Variants in BCL2L14 observed in about 807,000 individuals in gnomAD.
The protein encoded by BCL2L14 is BCL2 like 14, also known as apoptosis facilitator Bcl-2-like protein 14.
BCL2L14 carries 27 observed loss-of-function variants against 35.3 expected under a neutral mutation model. The observed-to-expected ratio is 0.76, with a 90% CI of 0.56 to 1.05. The LOEUF (loss-of-function observed/expected upper bound fraction) is 1.05, where lower values mean the gene tolerates loss of function less well. BCL2L14 is among the 50% of genes least tolerant of loss of function. The pLI, the probability that BCL2L14 is intolerant of heterozygous loss-of-function variation, is 0.00. For missense variants in BCL2L14, 377 were observed against 382.6 expected (o/e 0.99, Z 0.12); for synonymous variants, 139 against 145.9 (o/e 0.95, Z 0.34).
At position 12,099,132 on chromosome 12, in the gene BCL2L14, C is replaced by T; in HGVS notation, c.*144C>T. The T allele has an allele frequency of 1.5e-6, 1 of 646,720 alleles. No homozygotes were observed. The highest frequency in any genetic ancestry group is 2.8e-6 in the Non-Finnish European group (1 of 360,208). 40.1% of individuals were successfully genotyped at this position (646,720 alleles called of 1,614,324 possible). On this transcript the variant is annotated 3_prime_UTR_variant, in exon 6 of 6. Coordinates refer to ENST00000308721, the MANE Select transcript of BCL2L14 (RefSeq NM_138723.2). ...ACCATTATTCCTGTGACTGGAGAGG[C>T]ATCAGGAGAGGTCTCGTTCGTCTCC...
chr12:12,079,686 C>A lies in BCL2L14; in HGVS notation c.381C>A (p.Ser127Arg). Residue 127 changes from serine to arginine, a missense_variant, in exon 2 of 6, where the codon AGC becomes AGA. Physicochemically the swap from Ser to Arg is moderately radical, Grantham distance 110. Coordinates refer to ENST00000308721, the MANE Select transcript of BCL2L14 (RefSeq NM_138723.2). ...QRTLEYQDSH[S>R]QQWSRCLSNV... ...CGTTGGAATACCAAGATTCGCACAG[C>A]CAGCAGTGGTCCAGGTGTCTTTCTA... The A allele has an allele frequency of 6.2e-7, 1 of 1,614,222 alleles. No homozygotes were observed. The highest frequency in any genetic ancestry group is 8.5e-7 in the Non-Finnish European group (1 of 1,180,046).
At chr12:12,094,965 G>T (rs763881197) in intron 5 of BCL2L14, 35 bp downstream of exon 5, 3 of 1,586,728 alleles carry the variant, frequency 1.9e-6, no homozygotes, top group Non-Finnish European at 2.6e-6. Flanking sequence ...AATTTTCTCA[G>T]AACTCAGAAG....
At chr12:12,050,793 T>TAAAAAAAAAAAAAAAAA (rs3052084) in intron 1 of BCL2L14, among the ~76,000 whole-genome samples, 32 of 88,242 alleles carry the variant, frequency 3.6e-4, no homozygotes, top group East Asian at 1.1e-3. Context: ...GCTGATGAGC[T>TAAAAAAAAAAAAAAAAA]AAAAAAAAAA....
intron 5 of BCL2L14, among the ~76,000 whole-genome samples, chr12:12,097,882 C>G (rs571281851): frequency 1.6e-4 from 24 of 151,764 alleles, no homozygotes; most frequent in Non-Finnish European, 3.2e-4. Flanking sequence ...ATTGATGGCA[C>G]TAGTTCTTTA....
At chr12:12,051,509 T>C (rs1240389265) in intron 1 of BCL2L14, among the ~76,000 whole-genome samples, 1 of 152,042 alleles carries the variant, frequency 6.6e-6, no homozygotes, top group Non-Finnish European at 1.5e-5. Flanking sequence ...CATTAAATGA[T>C]TGTCACTGGG....
intron 2 of BCL2L14, among the ~76,000 whole-genome samples, chr12:12,081,891 G>A (rs1293075975): frequency 1.3e-5 from 2 of 152,124 alleles, no homozygotes; most frequent in Non-Finnish European, 2.9e-5. Flanking sequence ...GCCCCCTCCT[G>A]CTGAGTTTCA....
intron 3 of BCL2L14, among the ~76,000 whole-genome samples, chr12:12,089,996 A>T (rs1949144037): frequency 6.6e-6 from 1 of 152,216 alleles, no homozygotes; most frequent in South Asian, 2.1e-4. Flanking sequence ...TGGGCCACAA[A>T]TTTGGCTCTA....
intron 2 of BCL2L14, chr12:12,055,169 C>T (rs1223167278): frequency 6.6e-6 from 1 of 152,128 alleles, no homozygotes; most frequent in Admixed American, 6.5e-5. Context: ...GTAAACAATC[C>T]AGAAAGGTCA....
intron 1 of BCL2L14, among the ~76,000 whole-genome samples, chr12:12,050,689 C>G (rs527729354): frequency 2.0e-5 from 3 of 150,616 alleles, no homozygotes; most frequent in Admixed American, 6.6e-5. Context: ...AGTCTAAGAG[C>G]CTATTTACAG....
At chr12:12,051,244 G>A (rs1948354125) in intron 1 of BCL2L14, among the ~76,000 whole-genome samples, 2 of 152,310 alleles carry the variant, frequency 1.3e-5, no homozygotes, top group Admixed American at 1.3e-4. Flanking sequence ...AGTCAAGAAT[G>A]AACCTAAGCC....
intron 2 of BCL2L14, among the ~76,000 whole-genome samples, chr12:12,080,081 T>G (rs1295201916): frequency 6.6e-6 from 1 of 151,946 alleles, no homozygotes; most frequent in African/African-American, 2.4e-5. Context: ...GGCGGGTGCC[T>G]GTAGTCCCAG....
intron 3 of BCL2L14, among the ~76,000 whole-genome samples, chr12:12,088,611 TG>T (rs1380511406): frequency 6.6e-6 from 1 of 152,234 alleles, no homozygotes; most frequent in African/African-American, 2.4e-5. Flanking sequence ...GATTTGGGGC[TG>T]CTTTTCATTA....
At chr12:12,087,761 TTTATA>T (rs1477237323) in intron 3 of BCL2L14, among the ~76,000 whole-genome samples, 3 of 152,194 alleles carry the variant, frequency 2.0e-5, no homozygotes, top group Admixed American at 6.5e-5. Context: ...AAGCCAGGGA[TTTATA>T]TTATAACATT....
rs1350799831 is a variant in BCL2L14 at position 12,099,096 on chromosome 12, AC to A, written c.*109del. The A allele has an allele frequency of 1.2e-6, 1 of 804,160 alleles. No homozygotes were observed. The highest frequency in any genetic ancestry group is 2.1e-6 in the Non-Finnish European group (1 of 471,580). 49.8% of individuals were successfully genotyped at this position (804,160 alleles called of 1,614,324 possible). Reference sequence around the variant, plus strand: ...AACGTACAAGGCAGATGGAGCATTGACGTTTTCAAAACCATTATTCCTGTGA... The same window carrying A: ...AACGTACAAGGCAGATGGAGCATTGAGTTTTCAAAACCATTATTCCTGTGA... On this transcript the variant is annotated 3_prime_UTR_variant, in exon 6 of 6. Transcript: ENST00000308721.
At chr12:12,094,966 A>G (rs1463980330) in intron 5 of BCL2L14, 36 bp downstream of exon 5, 1 of 1,588,264 alleles carries the variant, frequency 6.3e-7, no homozygotes, top group Non-Finnish European at 8.5e-7. Flanking sequence ...ATTTTCTCAG[A>G]ACTCAGAAGA....
intron 1 of BCL2L14, among the ~76,000 whole-genome samples, chr12:12,050,809 A>AAG (rs1555084765): frequency 8.9e-5 from 12 of 134,668 alleles, no homozygotes; most frequent in East Asian, 4.5e-4. Context: ...AAAAAAAAAA[A>AAG]AAAAGAAAAG....
At chr12:12,091,875 A>T (rs1292874682) in intron 4 of BCL2L14, among the ~76,000 whole-genome samples, 1 of 152,184 alleles carries the variant, frequency 6.6e-6, no homozygotes, top group Non-Finnish European at 1.5e-5. Flanking sequence ...AGTGTCATGG[A>T]TACACAAATT....
Position 12,072,693 on chromosome 12 carries a change from C to T in BCL2L14, c.-8+1556C>T, listed in dbSNP as rs555055344. 1.2e-4 allele frequency among the ~76,000 whole-genome samples: 19 copies of T among 152,224 alleles called. No homozygotes were observed. The South Asian group carries it at 3.3e-3, about 27-fold the overall frequency. ...ACTTATGGTTTACCTTTCCATAAAC[C>T]CCAAAGTTGGGCTTCTTGTATAGAG... On this transcript the variant is annotated intron_variant, in intron 1 of 5. Coordinates refer to ENST00000308721, the MANE Select transcript of BCL2L14 (RefSeq NM_138723.2).
In BCL2L14 at chr12:12,079,612, G is replaced by A; in HGVS notation, c.307G>A (p.Glu103Lys). The A allele has an allele frequency of 1.2e-6, 2 of 1,614,222 alleles. No individual in the cohort carries two copies. The highest frequency in any genetic ancestry group is 1.7e-6 in the Non-Finnish European group (2 of 1,180,046). Residue 103 changes from glutamate (E) to lysine (K), a missense_variant, in exon 2 of 6, where the codon GAA becomes AAA. By Grantham distance (56) the Glu-to-Lys change is moderately conservative (BLOSUM62 1). Transcript: ENST00000308721. ...WKAFFGVVEKEDSQSTPAKVS... is the reference protein window; with the variant it reads ...WKAFFGVVEKKDSQSTPAKVS... ...AGCATTCTTTGGAGTAGTGGAGAAG[G>A]AAGATTCGCAGAGCACGCCTGCCAA...
Sources: allele counts gnomAD v4.1 joint callset (sites outside exome capture counted in the v4.1 genomes callset), GRCh38; gene constraint gnomAD v4.1.1; transcripts MANE v1.5; gene names NCBI Gene and HGNC (gene_info 2026-07-23, HGNC 2026-07-21).